Variants in ZNF770 observed in about 807,000 individuals in gnomAD.
ZNF770 encodes the protein zinc finger protein 770.
Under a neutral mutation model 44.8 loss-of-function variants are expected in ZNF770, and 13 were observed. That is an observed-to-expected ratio of 0.29 (90% CI 0.19 to 0.46). The LOEUF is 0.46. Ranked by LOEUF, ZNF770 falls within the 20% of genes least tolerant of loss-of-function variation. The probability of loss-of-function intolerance (pLI) is 1.00; values close to 1 mark genes in which losing one functional copy is unlikely to be tolerated. For synonymous variants in ZNF770, 304 were observed against 271.8 expected (o/e 1.12, Z -1.17); for missense variants, 681 against 797.9 (o/e 0.85, Z 1.77).
chr15:34,981,143 G>C lies in ZNF770; in HGVS notation c.*216C>G. On this transcript the variant is annotated 3_prime_UTR_variant, in exon 3 of 3. Coordinates refer to ENST00000356321, the MANE Select transcript of ZNF770 (RefSeq NM_014106.4). Reference sequence around the variant, plus strand: ...ACAATATTAAAATGCCTACTTTATAGCATCAAATCATGTTCTTGCCTCTAA... The same window carrying C: ...ACAATATTAAAATGCCTACTTTATACCATCAAATCATGTTCTTGCCTCTAA... 1 of 541,114 alleles carries C rather than the reference G, an allele frequency of 1.8e-6. No homozygotes were observed. Among genetic ancestry groups the C allele is most frequent in the South Asian group, 2.7e-5 (1 of 36,992 alleles). The allele number at this position is 541,114 out of a possible 1,614,324, so 33.5% of individuals were successfully genotyped here. A position where few individuals can be genotyped will look rare whatever the true frequency, so the allele number is the denominator to read the frequency against.
intron 2 of ZNF770, among the ~76,000 whole-genome samples, chr15:34,985,735 A>T (rs2050430232): frequency 6.6e-6 from 1 of 152,052 alleles, no homozygotes; most frequent in Non-Finnish European, 1.5e-5. Flanking sequence ...CTCTACTAAA[A>T]ATACAAAAAT....
In ZNF770 at chr15:34,982,809, G is replaced by T. The variant is rs746704033; in HGVS notation, c.626C>A (p.Thr209Lys). The T allele has an allele frequency of 1.2e-5, 20 of 1,613,836 alleles. No homozygotes were observed. Among genetic ancestry groups the T allele is most frequent in the East Asian group, 1.1e-4 (5 of 44,870 alleles). ...TTGAAAAGGTCTTTCTTCTGAATGTGTAAGTTGGTGGATTTTTAAGTGAGT... is the reference window on the plus strand; with the variant it reads ...TTGAAAAGGTCTTTCTTCTGAATGTTTAAGTTGGTGGATTTTTAAGTGAGT... Reference protein sequence around the residue: ...QSTHLKIHQLTHSEERPFQCC... With the variant: ...QSTHLKIHQLKHSEERPFQCC... Residue 209 changes from threonine to lysine, a missense_variant, in exon 3 of 3, where the codon ACA (threonine) becomes AAA (lysine). By Grantham distance (78) the Thr-to-Lys change is moderately conservative. This residue lies in a region of ZNF770 where 432 missense variants were observed against 434.1 expected (regional missense o/e 1.00). Transcript: ENST00000356321.
Position 34,981,653 on chromosome 15 carries a change from T to G in ZNF770, c.1782A>C (p.Gln594His). Reference sequence around the variant, plus strand: ...CCAAAAGTACATTAGGAAGACAGGGTTGCCCGGTGCTACCAGGAATAAAAT... The same window carrying G: ...CCAAAAGTACATTAGGAAGACAGGGGTGCCCGGTGCTACCAGGAATAAAAT... ...SQDFIPGSTG[Q>H]PCLPNVLLES... is the part of the protein sequence containing the mutation. The change falls in exon 3 of 3, where the codon CAA becomes CAC. Residue 594 changes from glutamine (Q) to histidine (H), a missense_variant. By Grantham distance (24) the Gln-to-His change is conservative. Around this residue, in one of 5 missense-constraint regions of ZNF770, gnomAD observed 148 missense variants for 191.0 expected, o/e 0.77. Coordinates refer to ENST00000356321, the MANE Select transcript of ZNF770 (RefSeq NM_014106.4). 1 of 1,614,152 alleles carries G rather than the reference T, an allele frequency of 6.2e-7. No homozygotes were observed. Among genetic ancestry groups the G allele is most frequent in the Non-Finnish European group, 8.5e-7 (1 of 1,180,038 alleles).
Position 34,982,809 on chromosome 15 carries a change from G to A in ZNF770, c.626C>T (p.Thr209Ile), listed in dbSNP as rs746704033. Residue 209 changes from threonine to isoleucine, a missense_variant, in exon 3 of 3, where the codon ACA (threonine) becomes ATA (isoleucine). This residue lies in a region of ZNF770 where 432 missense variants were observed against 434.1 expected (regional missense o/e 1.00). Transcript: ENST00000356321. ...TTGAAAAGGTCTTTCTTCTGAATGTGTAAGTTGGTGGATTTTTAAGTGAGT... is the reference window on the plus strand; with the variant it reads ...TTGAAAAGGTCTTTCTTCTGAATGTATAAGTTGGTGGATTTTTAAGTGAGT... ...QSTHLKIHQLTHSEERPFQCC... is the reference protein window; with the variant it reads ...QSTHLKIHQLIHSEERPFQCC... 1 of 1,613,836 alleles carries A rather than the reference G, an allele frequency of 6.2e-7. No individual in the cohort carries two copies. The highest frequency in any genetic ancestry group is 2.2e-5 in the East Asian group (1 of 44,870).
At chr15:34,985,883 C>T (rs1207030025) in intron 2 of ZNF770, among the ~76,000 whole-genome samples, 3 of 151,718 alleles carry the variant, frequency 2.0e-5, no homozygotes, top group Non-Finnish European at 4.4e-5. Context: ...GGAGACAGAG[C>T]AAGACTCTCA....
rs143533783 is a variant in ZNF770 at position 34,982,128 on chromosome 15, T to C, written c.1307A>G (p.Asn436Ser). The change falls in exon 3 of 3, where the codon AAT (asparagine) becomes AGT (serine). Residue 436 changes from asparagine to serine, a missense_variant. Around this residue, in one of 5 missense-constraint regions of ZNF770, gnomAD observed 432 missense variants for 434.1 expected, o/e 1.00. Transcript: ENST00000356321. The stretch of plus-strand genomic sequence containing the variant: ...ACCACAGATTGACAAGTCTTTCTTA[T>C]TCACTGAATTATCAATGCTTAATAT... Reference protein sequence around the residue: ...ENILSIDNSVNKKDLSICGSS... With the variant: ...ENILSIDNSVSKKDLSICGSS... The C allele has an allele frequency of 1.2e-6, 2 of 1,613,952 alleles. No individual in the cohort carries two copies. The highest frequency in any genetic ancestry group is 1.3e-5 in the African/African-American group (1 of 74,948).
chr15:34,986,962 G>A (rs1420741333), intron 2 of ZNF770, among the ~76,000 whole-genome samples: 3 of 152,260 alleles, frequency 2.0e-5, no homozygotes, highest in African/African-American at 7.2e-5. Context: ...AGTATGGTGT[G>A]GGAGGACAGC....
chr15:34,987,119 A>G (rs1363938287), intron 2 of ZNF770, among the ~76,000 whole-genome samples: 2 of 152,252 alleles, frequency 1.3e-5, no homozygotes, highest in African/African-American at 4.8e-5. Flanking sequence ...GAACACGCCT[A>G]AAAGAAAAAA....
rs1566797232 is a variant in ZNF770, at chr15:34,979,972, C to T, written c.*1387G>A. On this transcript the variant is annotated 3_prime_UTR_variant, in exon 3 of 3. Coordinates refer to ENST00000356321, the MANE Select transcript of ZNF770 (RefSeq NM_014106.4). ...ATTTGGAATGATACCCACAACTCTACAAGCATCTTATCCCTCTACAGGAAT... is the reference window on the plus strand; with the variant it reads ...ATTTGGAATGATACCCACAACTCTATAAGCATCTTATCCCTCTACAGGAAT... 3.0e-5 allele frequency: 6 copies of T among 197,492 alleles called. No homozygotes were observed. Among genetic ancestry groups the T allele is most frequent in the Admixed American group, 1.9e-4 (3 of 15,618 alleles). 12.2% of individuals were successfully genotyped at this position (197,492 alleles called of 1,614,324 possible). A position where few individuals can be genotyped will look rare whatever the true frequency, so the allele number is the denominator to read the frequency against.
Position 34,981,825 on chromosome 15 carries a change from A to T in ZNF770, c.1610T>A (p.Val537Glu). The T allele has an allele frequency of 4.3e-6, 7 of 1,614,056 alleles. No homozygotes were observed. Among genetic ancestry groups the T allele is most frequent in the Non-Finnish European group, 5.9e-6 (7 of 1,180,010 alleles). The change falls in exon 3 of 3, where the codon GTA (valine) becomes GAA (glutamate). Residue 537 changes from valine to glutamate, a missense_variant. This residue lies in a region of ZNF770 where 148 missense variants were observed against 191.0 expected (regional missense o/e 0.77). Coordinates refer to ENST00000356321, the MANE Select transcript of ZNF770 (RefSeq NM_014106.4). ...AAGATTGTTGAAGTTTCCAAATTCT[A>T]CTTGGCAAAGAGATGCATAAGGACT... ...EKSPYASLCQVEFGNFNNLSN... is the reference protein window; with the variant it reads ...EKSPYASLCQEEFGNFNNLSN...
Position 34,981,068 on chromosome 15 carries a change from G to T in ZNF770, c.*291C>A. ...AAAAATGAATGAGGCTAAATTATTT[G>T]TACAGCCATCATGGATTTATATTTT... On this transcript the variant is annotated 3_prime_UTR_variant, in exon 3 of 3. Coordinates refer to ENST00000356321, the MANE Select transcript of ZNF770 (RefSeq NM_014106.4). 1 of 311,802 alleles carries T rather than the reference G, an allele frequency of 3.2e-6. No homozygotes were observed. The highest frequency in any genetic ancestry group is 5.9e-6 in the Non-Finnish European group (1 of 169,546). The allele number at this position is 311,802 out of a possible 1,614,324, so 19.3% of individuals were successfully genotyped here.
chr15:34,986,081 C>T (rs749359810), intron 2 of ZNF770, among the ~76,000 whole-genome samples: 4 of 152,072 alleles, frequency 2.6e-5, no homozygotes, highest in East Asian at 1.9e-4. Flanking sequence ...TACAACAAAT[C>T]GACCACTTTA....
At position 34,982,031 on chromosome 15, in the gene ZNF770, T is replaced by C. The variant is rs2050405190; in HGVS notation, c.1404A>G (p.Ile468Met). Residue 468 changes from isoleucine (I) to methionine (M), a missense_variant, in exon 3 of 3, where the codon ATA (isoleucine) becomes ATG (methionine). Coordinates refer to ENST00000356321, the MANE Select transcript of ZNF770 (RefSeq NM_014106.4). ...QCGFSVPREN[I>M]RTRHKICPCD... ...AAGGACATATCTTATGTCTAGTACG[T>C]ATGTTTTCCCTTGGAACTGAAAAAC... 6.2e-7 allele frequency: 1 copy of C among 1,613,600 alleles called. No homozygotes were observed. The highest frequency in any genetic ancestry group is 8.5e-7 in the Non-Finnish European group (1 of 1,179,988).
exon 1 of ZNF770, chr15:34,988,276 CGGCGCGGCAACGGGCTGAGCGCGCA>C (rs1197721896): frequency 2.6e-5 from 4 of 152,272 alleles, no homozygotes; most frequent in South Asian, 6.2e-4. Context: ...TCCGCAGGGC[CGGCGCGGCAACGGGCTGAGCGCGCA>C]GGCGCGGCGC....
chr15:34,982,531 A>G lies in ZNF770; in HGVS notation c.904T>C (p.Cys302Arg). The G allele has an allele frequency of 6.2e-7, 1 of 1,614,012 alleles. No individual in the cohort carries two copies. The part of the protein sequence containing the change: ...VPFQCPKCEK[C>R]FESEQILNEH... ...TTGAGAATCTGCTCTGATTCAAAAC[A>G]CTTTTCACACTTTGGACATTGAAAA... Residue 302 changes from cysteine to arginine, a missense_variant, in exon 3 of 3, where the codon TGT becomes CGT. Physicochemically the swap from Cys to Arg is radical, Grantham distance 180. This residue lies in a region of ZNF770 where 432 missense variants were observed against 434.1 expected (regional missense o/e 1.00). Coordinates refer to ENST00000356321, the MANE Select transcript of ZNF770 (RefSeq NM_014106.4).
chr15:34,978,858 TATA>T lies in ZNF770; in HGVS notation c.*2498_*2500del, dbSNP rs1364196420. On this transcript the variant is annotated 3_prime_UTR_variant, in exon 3 of 3. Transcript: ENST00000356321. ...CCTTACATAAAATGACATATTTGTA[TATA>T]ACCAACGCACATCCGCCTGTATACT... 6 of 152,220 alleles carry T rather than the reference TATA, an allele frequency of 3.9e-5. No individual in the cohort carries two copies. Among genetic ancestry groups the T allele is most frequent in the Non-Finnish European group, 8.8e-5 (6 of 68,040 alleles). The allele number at this position is 152,220 out of a possible 1,614,324, so 9.4% of individuals were successfully genotyped here.
chr15:34,982,227 T>C lies in ZNF770; in HGVS notation c.1208A>G (p.Lys403Arg), dbSNP rs1347028022. 1.2e-6 allele frequency: 2 copies of C among 1,613,482 alleles called. No homozygotes were observed. The highest frequency in any genetic ancestry group is 1.7e-6 in the Non-Finnish European group (2 of 1,179,898). The change falls in exon 3 of 3, where the codon AAG becomes AGG. Residue 403 changes from lysine to arginine, a missense_variant. By Grantham distance (26) the Lys-to-Arg change is conservative (BLOSUM62 2). Around this residue, in one of 5 missense-constraint regions of ZNF770, gnomAD observed 432 missense variants for 434.1 expected, o/e 1.00. Transcript: ENST00000356321. ...AGAAAATGGCAAAGTCAATGTTTTC[T>C]TCTTTCTATTGCCAATTGTTTTATA... ...GTYKTIGNRK[K>R]KTLTLPFSWQ...
chr15:34,983,599 C>T (rs2050416700), intron 2 of ZNF770, 109 bp from the exon 3 acceptor site: 1 of 488,780 alleles, frequency 2.0e-6, no homozygotes, highest in East Asian at 3.6e-5. Context: ...AGAATCTGGA[C>T]TTAGTGTTTA....
In ZNF770 at chr15:34,982,291, G is replaced by T. The variant is rs1216099252; in HGVS notation, c.1144C>A (p.Gln382Lys). 16 of 1,613,674 alleles carry T rather than the reference G, an allele frequency of 9.9e-6. No individual in the cohort carries two copies. Among genetic ancestry groups the T allele is most frequent in the Non-Finnish European group, 1.3e-5 (15 of 1,179,892 alleles). ...CCAAGAGAACCCACAAATGTTCTCT[G>T]GGTTTGTTCAGAGCTCTGCTCACCA... ...ISGEQSSEQT[Q>K]RTFVGSLGKH... is the part of the protein sequence containing the mutation. Residue 382 changes from glutamine to lysine, a missense_variant, in exon 3 of 3, where the codon CAG (glutamine) becomes AAG (lysine). Gln to Lys is a moderately conservative substitution (Grantham distance 53). This residue lies in a region of ZNF770 where 432 missense variants were observed against 434.1 expected (regional missense o/e 1.00). Coordinates refer to ENST00000356321, the MANE Select transcript of ZNF770 (RefSeq NM_014106.4).
Sources: allele counts gnomAD v4.1 joint callset (sites outside exome capture counted in the v4.1 genomes callset), GRCh38; gene constraint gnomAD v4.1.1; regional missense constraint gnomAD v4.1.1; transcripts MANE v1.5; gene names NCBI Gene and HGNC (gene_info 2026-07-23, HGNC 2026-07-21).